The following SERPINH1 variants were observed in gnomAD, a reference collection of about 807,000 sequenced individuals.
The protein encoded by SERPINH1 is serpin family H member 1, also known as serpin H1.
Under a neutral mutation model 32.3 loss-of-function variants are expected in SERPINH1, and 22 were observed. The ratio of observed to expected loss-of-function variants is 0.68; its 90% CI spans 0.49 to 0.97. The LOEUF is 0.97. Ranked by LOEUF, SERPINH1 falls within the 50% of genes least tolerant of loss-of-function variation. The pLI, the probability that SERPINH1 is intolerant of heterozygous loss-of-function variation, is 0.00. For synonymous variants in SERPINH1, 251 were observed against 245.9 expected (o/e 1.02, Z -0.19); for missense variants, 543 against 576.4 (o/e 0.94, Z 0.59).
chr11:75,569,081 G>T lies in SERPINH1; in HGVS notation c.864G>T (p.Glu288Asp). 1 of 1,614,256 alleles carries T rather than the reference G, an allele frequency of 6.2e-7. No homozygotes were observed. The highest frequency in any genetic ancestry group is 1.3e-5 in the African/African-American group (1 of 75,076). The part of the protein sequence containing the change: ...LERLEKLLTK[E>D]QLKIWMGKMQ... ...GCCTTGAAAAGCTGCTAACCAAAGA[G>T]CAGCTGAAGATCTGGATGGGGAAGA... The change falls in exon 4 of 5, where the codon GAG (glutamate) becomes GAT (aspartate). Residue 288 changes from glutamate (E) to aspartate (D), a missense_variant. Physicochemically the swap from Glu to Asp is conservative, Grantham distance 45. Transcript: ENST00000358171.
Position 75,566,524 on chromosome 11 carries a change from G to GC in SERPINH1, c.177dup (p.Lys60GlnfsTer85). ...GGCCTTCAGCTTGTACCAGGCCATGGCCAAGGACCAGGCAGTGGAGAACAT... is the reference window on the plus strand; with the variant it reads ...GGCCTTCAGCTTGTACCAGGCCATGGCCCAAGGACCAGGCAGTGGAGAACAT... On this transcript the variant is annotated frameshift_variant, in exon 2 of 5. Transcript: ENST00000358171. LOFTEE classifies it high-confidence loss of function. 1 of 1,612,138 alleles carries GC rather than the reference G, an allele frequency of 6.2e-7. No individual in the cohort carries two copies. The highest frequency in any genetic ancestry group is 8.5e-7 in the Non-Finnish European group (1 of 1,179,780).
intron 1 of SERPINH1, among the ~76,000 whole-genome samples, chr11:75,565,358 C>T (rs1477768808): frequency 6.6e-6 from 1 of 152,192 alleles, no homozygotes; most frequent in Non-Finnish European, 1.5e-5. Flanking sequence ...GGGGTCACTG[C>T]TCTATTGAGC....
In SERPINH1 at chr11:75,562,270, G is replaced by GCGGCTCGAGAGCGAGAGTCACGTCC. The variant is rs1307177515; in HGVS notation, c.-79_-55dup. ...AGCGGGCTAAGAGTAGAATCGTGTC[G>GCGGCTCGAGAGCGAGAGTCACGTCC]CGGCTCGAGAGCGAGAGTCACGTCC... On this transcript the variant is annotated 5_prime_UTR_variant, in exon 1 of 5. Transcript: ENST00000358171. 2.6e-5 allele frequency: 4 copies of GCGGCTCGAGAGCGAGAGTCACGTCC among 152,260 alleles called. No individual in the cohort carries two copies. Among genetic ancestry groups the GCGGCTCGAGAGCGAGAGTCACGTCC allele is most frequent in the Admixed American group, 6.5e-5 (1 of 15,274 alleles). 9.4% of individuals were successfully genotyped at this position (152,260 alleles called of 1,614,324 possible).
intron 4 of SERPINH1, 136 bp from the exon 5 acceptor site, chr11:75,571,645 C>A: frequency 1.3e-6 from 1 of 757,400 alleles, no homozygotes; most frequent in Non-Finnish European, 2.3e-6. Context: ...CAGTGCCATG[C>A]CTGGCATACA....
At chr11:75,571,077 TTG>T (rs373494315) in intron 4 of SERPINH1, among the ~76,000 whole-genome samples, 8 of 150,356 alleles carry the variant, frequency 5.3e-5, no homozygotes, top group Non-Finnish European at 7.4e-5. Context: ...GGAAAGATGT[TTG>T]TGTGTGTGTG....
At chr11:75,567,260 T>A (rs1942107637) in intron 2 of SERPINH1, among the ~76,000 whole-genome samples, 1 of 152,246 alleles carries the variant, frequency 6.6e-6, no homozygotes, top group Admixed American at 6.5e-5. Flanking sequence ...TTGGAATGAA[T>A]AACATTTAAT....
Position 75,569,410 on chromosome 11 carries a change from A to C in SERPINH1, c.954+239A>C. 3 of 523,012 alleles carry C rather than the reference A, an allele frequency of 5.7e-6. No individual in the cohort carries two copies. The South Asian group carries it at 8.6e-5, about 15-fold the overall frequency. 32.4% of individuals were successfully genotyped at this position (523,012 alleles called of 1,614,324 possible). On this transcript the variant is annotated intron_variant, in intron 4 of 4. Transcript: ENST00000358171. Reference sequence around the variant, plus strand: ...CTGTATGCTAGGCGTTCTTCTAAGCACTTTATATGTATTATTATTATTTTT... The same window carrying C: ...CTGTATGCTAGGCGTTCTTCTAAGCCCTTTATATGTATTATTATTATTTTT...
Position 75,571,912 on chromosome 11 carries a change from T to A in SERPINH1, c.1086T>A (p.Asp362Glu), listed in dbSNP as rs1268337790. The change falls in exon 5 of 5, where the codon GAT becomes GAA. Residue 362 changes from aspartate to glutamate, a missense_variant. Coordinates refer to ENST00000358171, the MANE Select transcript of SERPINH1 (RefSeq NM_001235.5). ...FHATAFELDT[D>E]GNPFDQDIYG... ...CCACCGCCTTTGAGTTGGACACAGATGGCAACCCCTTTGACCAGGACATCT... is the reference window on the plus strand; with the variant it reads ...CCACCGCCTTTGAGTTGGACACAGAAGGCAACCCCTTTGACCAGGACATCT... 6.2e-7 allele frequency: 1 copy of A among 1,614,104 alleles called. No homozygotes were observed. The highest frequency in any genetic ancestry group is 8.5e-7 in the Non-Finnish European group (1 of 1,180,056).
At chr11:75,566,080 G>C (rs994974840) in intron 1 of SERPINH1, among the ~76,000 whole-genome samples, 2 of 152,244 alleles carry the variant, frequency 1.3e-5, no homozygotes, top group Admixed American at 6.5e-5. Context: ...TTGGCTGGCC[G>C]ATGCAGGAAA....
intron 2 of SERPINH1, chr11:75,568,240 G>C (rs975823873): frequency 2.3e-5 from 5 of 221,076 alleles, no homozygotes; most frequent in Non-Finnish European, 4.6e-5. Flanking sequence ...AGTGTGTCAT[G>C]ATTGTACCAC....
chr11:75,566,403 C>CGCCGAGGTGAAGAAACCTGCA lies in SERPINH1; in HGVS notation c.59_79dup (p.Glu20_Ala26dup). ...TCTGCCTCCTGGAGGCGGCCCTGGCCGCCGAGGTGAAGAAACCTGCAGCCG... is the reference window on the plus strand; with the variant it reads ...TCTGCCTCCTGGAGGCGGCCCTGGCCGCCGAGGTGAAGAAACCTGCAGCCGAGGTGAAGAAACCTGCAGCCG... On this transcript the variant is annotated inframe_insertion, in exon 2 of 5. Coordinates refer to ENST00000358171, the MANE Select transcript of SERPINH1 (RefSeq NM_001235.5). The CGCCGAGGTGAAGAAACCTGCA allele has an allele frequency of 1.2e-6, 2 of 1,610,814 alleles. No individual in the cohort carries two copies. Among genetic ancestry groups the CGCCGAGGTGAAGAAACCTGCA allele is most frequent in the Non-Finnish European group, 1.7e-6 (2 of 1,179,256 alleles).
Position 75,564,062 on chromosome 11 carries a change from C to G in SERPINH1, c.-35+1743C>G, listed in dbSNP as rs891099701. On this transcript the variant is annotated intron_variant, in intron 1 of 4. Coordinates refer to ENST00000358171, the MANE Select transcript of SERPINH1 (RefSeq NM_001235.5). ...CCCTTCTCCCCAGTAGCGCATTTCC[C>G]TTCAGAGATTCATGTGCGGATGGGA... 5.3e-5 allele frequency among the ~76,000 whole-genome samples: 8 copies of G among 152,214 alleles called. No homozygotes were observed. The East Asian group carries it at 1.3e-3, about 26-fold the overall frequency.
chr11:75,569,430 AT>A (rs997405360), intron 4 of SERPINH1: 684 of 379,688 alleles, frequency 1.8e-3, no homozygotes, highest in East Asian at 4.6e-3. Context: ...TATTATTATT[AT>A]TTTTTTTTTG....
intron 1 of SERPINH1, among the ~76,000 whole-genome samples, chr11:75,565,733 G>C (rs1942062594): frequency 6.6e-6 from 1 of 152,236 alleles, no homozygotes; most frequent in Non-Finnish European, 1.5e-5. Flanking sequence ...AGAATGAAAG[G>C]CATGGGGGCG....
At chr11:75,571,623 G>A (rs1311061495) in intron 4 of SERPINH1, among the ~76,000 whole-genome samples, 158 bp from the exon 5 acceptor site, 1 of 152,228 alleles carries the variant, frequency 6.6e-6, no homozygotes, top group Non-Finnish European at 1.5e-5. Flanking sequence ...AGAAAGCTGT[G>A]ATTTGAAGTG....
intron 4 of SERPINH1, among the ~76,000 whole-genome samples, chr11:75,570,246 C>G (rs1023931135): frequency 6.6e-6 from 1 of 152,166 alleles, no homozygotes; most frequent in Non-Finnish European, 1.5e-5. Flanking sequence ...CCTGCAGAAT[C>G]GATCCAGACT....
At chr11:75,569,397 C>T (rs1392086669) in intron 4 of SERPINH1, 12 of 571,304 alleles carry the variant, frequency 2.1e-5, no homozygotes, top group Middle Eastern at 4.6e-4. Flanking sequence ...GTATGCTAGG[C>T]GTTCTTCTAA....
chr11:75,568,506 G>A (rs1169509566), intron 2 of SERPINH1: 11 of 611,446 alleles, frequency 1.8e-5, no homozygotes, highest in Middle Eastern at 8.6e-4. Flanking sequence ...GGCACTGACT[G>A]TAGGGAACCG....
In SERPINH1 at chr11:75,572,764, A is replaced by G. The variant is rs1480301819; in HGVS notation, c.*681A>G. 2 of 153,546 alleles carry G rather than the reference A, an allele frequency of 1.3e-5. No homozygotes were observed. The highest frequency in any genetic ancestry group is 2.9e-5 in the Non-Finnish European group (2 of 69,160). The allele number at this position is 153,546 out of a possible 1,614,324, so 9.5% of individuals were successfully genotyped here. A position where few individuals can be genotyped will look rare whatever the true frequency, so the allele number is the denominator to read the frequency against. The stretch of plus-strand genomic sequence containing the variant: ...ACTTATTTGTACATTTTTTTTTTCA[A>G]TAAAACTTTTCCAATGACATTTTGT... On this transcript the variant is annotated 3_prime_UTR_variant, in exon 5 of 5. Coordinates refer to ENST00000358171, the MANE Select transcript of SERPINH1 (RefSeq NM_001235.5).
Sources: allele counts gnomAD v4.1 joint callset (sites outside exome capture counted in the v4.1 genomes callset), GRCh38; gene constraint gnomAD v4.1.1; transcripts MANE v1.5; gene names NCBI Gene and HGNC (gene_info 2026-07-23, HGNC 2026-07-21).